MAP7: variants seen among roughly 807,000 people sequenced by gnomAD.
MAP7 encodes microtubule associated protein 7.
Under a neutral mutation model 94.8 loss-of-function variants are expected in MAP7, and 52 were observed. That is an observed-to-expected ratio of 0.55 (90% CI 0.44 to 0.69). MAP7 has a LOEUF of 0.69. Ranked by LOEUF, MAP7 falls within the 30% of genes least tolerant of loss-of-function variation. MAP7 has a pLI of 0.00. For missense variants in MAP7, 940 were observed against 964.6 expected, an observed-to-expected ratio of 0.97 and a Z score of 0.34; for synonymous variants, 350 against 357.0, an observed-to-expected ratio of 0.98 and a Z score of 0.22.
At chr6:136,507,228 T>C (rs1821805537) in intron 1 of MAP7, among the ~76,000 whole-genome samples, 2 of 152,008 alleles carry the variant, frequency 1.3e-5, no homozygotes, top group East Asian at 1.9e-4. Flanking sequence ...CGGGGGTCAA[T>C]CTCAATGGAG....
chr6:136,489,895 C>T (rs181555532), intron 1 of MAP7, among the ~76,000 whole-genome samples: 1 of 152,084 alleles, frequency 6.6e-6, no homozygotes, highest in African/African-American at 2.4e-5. Context: ...TGGCAGTCTC[C>T]TGCCTTCTAC....
chr6:136,370,135 C>A (rs561588746), intron 8 of MAP7, among the ~76,000 whole-genome samples: 2 of 152,158 alleles, frequency 1.3e-5, no homozygotes, highest in African/African-American at 4.8e-5. Flanking sequence ...ATTTTTCTAA[C>A]GATGACACAT....
intron 17 of MAP7, 52 bp downstream of exon 17, chr6:136,345,804 T>C: frequency 1.4e-6 from 2 of 1,418,762 alleles, no homozygotes; most frequent in East Asian, 2.3e-5. Flanking sequence ...CGTGTCCTCC[T>C]GGGTGTCAGA....
chr6:136,374,586 G>A (rs1775536897), intron 7 of MAP7, among the ~76,000 whole-genome samples: 1 of 152,022 alleles, frequency 6.6e-6, no homozygotes, highest in African/African-American at 2.4e-5. Flanking sequence ...TCTCTCAAGT[G>A]GAAAATAACA....
intron 1 of MAP7, among the ~76,000 whole-genome samples, chr6:136,470,202 C>G (rs1808497855): frequency 6.6e-6 from 1 of 152,080 alleles, no homozygotes; most frequent in Non-Finnish European, 1.5e-5. Context: ...CTGTTTCTCC[C>G]TCTTAACTTT....
chr6:136,454,115 C>T (rs1254437630), intron 1 of MAP7, among the ~76,000 whole-genome samples: 1 of 152,060 alleles, frequency 6.6e-6, no homozygotes, highest in Non-Finnish European at 1.5e-5. Flanking sequence ...CTGCCAAATC[C>T]TCCAAAAACA....
intron 2 of MAP7, chr6:136,419,950 A>G: frequency 1.5e-6 from 1 of 653,014 alleles, no homozygotes; most frequent in Admixed American, 2.2e-5. Flanking sequence ...TGATAGCTAT[A>G]ACTTGGTTTC....
At chr6:136,461,378 C>T (rs528703596) in intron 1 of MAP7, among the ~76,000 whole-genome samples, 1 of 152,176 alleles carries the variant, frequency 6.6e-6, no homozygotes, top group Non-Finnish European at 1.5e-5. Context: ...ATACAAATTT[C>T]AAGATCTCAA....
chr6:136,355,160 T>C (rs1376180800), intron 16 of MAP7, among the ~76,000 whole-genome samples: 1 of 151,886 alleles, frequency 6.6e-6, no homozygotes, highest in South Asian at 2.1e-4. Context: ...GGCAACAGAG[T>C]GAGAGTCTGT....
chr6:136,485,837 C>A (rs560829310), intron 1 of MAP7, among the ~76,000 whole-genome samples: 3 of 152,268 alleles, frequency 2.0e-5, no homozygotes, highest in African/African-American at 7.2e-5. Context: ...GCTGGGATTA[C>A]AGGCGTGAGC....
chr6:136,391,706 G>A (rs557568278), intron 3 of MAP7, among the ~76,000 whole-genome samples: 3 of 145,726 alleles, frequency 2.1e-5, no homozygotes, highest in African/African-American at 7.5e-5. Context: ...TACACAATAA[G>A]TATTTACTGA....
At chr6:136,444,008 G>A (rs773577475) in intron 1 of MAP7, among the ~76,000 whole-genome samples, 24 of 152,142 alleles carry the variant, frequency 1.6e-4, no homozygotes, top group Non-Finnish European at 7.4e-5. Context: ...TGCACCTTAC[G>A]ATGGTTTGAC....
chr6:136,420,211 A>G, intron 2 of MAP7: 1 of 1,038,748 alleles, frequency 9.6e-7, no homozygotes, highest in Middle Eastern at 2.9e-4. Flanking sequence ...GTGTTCAGGC[A>G]TTTCAGAGCC....
intron 1 of MAP7, among the ~76,000 whole-genome samples, chr6:136,496,481 G>T (rs949719285): frequency 4.6e-5 from 7 of 152,024 alleles, no homozygotes; most frequent in Non-Finnish European, 7.4e-5. Context: ...TTTTACTTAA[G>T]ATACTATTCC....
At chr6:136,485,672 C>T (rs1391254032) in intron 1 of MAP7, among the ~76,000 whole-genome samples, 2 of 148,784 alleles carry the variant, frequency 1.3e-5, no homozygotes, top group African/African-American at 5.0e-5. Context: ...ACGCCATTCT[C>T]CTGCCTCAGC....
intron 6 of MAP7, among the ~76,000 whole-genome samples, chr6:136,379,841 T>C (rs1213987450): frequency 6.6e-6 from 1 of 152,194 alleles, no homozygotes; most frequent in Non-Finnish European, 1.5e-5. Flanking sequence ...GAGAGATCTG[T>C]TTCATATCTC....
At chr6:136,366,071 G>T (rs1794236227) in intron 9 of MAP7, 53 bp from the exon 10 acceptor site, 5 of 1,551,634 alleles carry the variant, frequency 3.2e-6, no homozygotes, top group Middle Eastern at 2.3e-4. Flanking sequence ...GAACAGGCTT[G>T]CCAGAACCTA....
chr6:136,543,488 T>G (rs996456084), intron 1 of MAP7, among the ~76,000 whole-genome samples: 31 of 152,000 alleles, frequency 2.0e-4, no homozygotes, highest in African/African-American at 7.5e-4. Context: ...CCATCTCTAC[T>G]AAAAATACAA....
rs1554259490 is a variant in MAP7, at chr6:136,456,822, G to GAAGAAGAAGAAGAAGAA, written c.68-35024_68-35023insTTCTTCTTCTTCTTCTT. The stretch of plus-strand genomic sequence containing the variant: ...AGAAGAAGAAGAAGAAGAAGAAGAA[G>GAAGAAGAAGAAGAAGAA]GAAGAAGAAGAAGAAGAAGAAGAAG... On this transcript the variant is annotated intron_variant, in intron 1 of 17. Coordinates refer to ENST00000354570, the MANE Select transcript of MAP7 (RefSeq NM_003980.6). Among the ~76,000 whole-genome samples the GAAGAAGAAGAAGAAGAA allele has an allele frequency of 2.4e-3, 164 of 68,936 alleles. 1 individual carries two copies. Among genetic ancestry groups the GAAGAAGAAGAAGAAGAA allele is most frequent in the East Asian group, 0.013 (19 of 1,462 alleles). The allele number at this position is 68,936 out of a possible 152,430, so 45.2% of individuals were successfully genotyped here. A position where few individuals can be genotyped will look rare whatever the true frequency, so the allele number is the denominator to read the frequency against.
Sources: allele counts gnomAD v4.1 joint callset (sites outside exome capture counted in the v4.1 genomes callset), GRCh38; gene constraint gnomAD v4.1.1; transcripts MANE v1.5; gene names NCBI Gene and HGNC (gene_info 2026-07-23, HGNC 2026-07-21).